RBM19: variants seen among roughly 807,000 people sequenced by gnomAD.
RBM19 encodes the protein probable RNA-binding protein 19.
Under a neutral mutation model 116.8 loss-of-function variants are expected in RBM19, and 94 were observed. That is an observed-to-expected ratio of 0.80 (90% CI 0.68 to 0.95). The LOEUF is 0.95. Ranked by LOEUF, RBM19 falls within the 40% of genes least tolerant of loss-of-function variation. The probability of loss-of-function intolerance (pLI) is 0.00; values close to 1 mark genes in which losing one functional copy is unlikely to be tolerated. For synonymous variants in RBM19, 475 were observed against 494.1 expected, an observed-to-expected ratio of 0.96 and a Z score of 0.51; for missense variants, 1,161 against 1,220.7, an observed-to-expected ratio of 0.95 and a Z score of 0.73.
At chr12:113,933,901 G>A (rs919152345) in intron 16 of RBM19, among the ~76,000 whole-genome samples, 6 of 152,262 alleles carry the variant, frequency 3.9e-5, no homozygotes, top group African/African-American at 9.6e-5. Context: ...TGCTGGCTTG[G>A]GGCTGGTGCC....
rs3065431 is a variant in RBM19, at chr12:113,863,211, C to CTGTG, written c.2559-4319_2559-4316dup. On this transcript the variant is annotated intron_variant, in intron 21 of 23. Coordinates refer to ENST00000261741, the MANE Select transcript of RBM19 (RefSeq NM_016196.4). The stretch of plus-strand genomic sequence containing the variant: ...CTGAAGGCAGACACAATACGTGTGT[C>CTGTG]TGTGTGTGTGTGTGTGTGTGTGTGT... 4.1e-3 allele frequency among the ~76,000 whole-genome samples: 616 copies of CTGTG among 148,510 alleles called. 7 individuals carry two copies. The highest frequency in any genetic ancestry group is 0.029 in the East Asian group (143 of 4,928).
chr12:113,936,736 C>T, intron 16 of RBM19: 1 of 316,658 alleles, frequency 3.2e-6, no homozygotes, highest in Middle Eastern at 9.7e-4. Flanking sequence ...GTTGTTTATA[C>T]TTGCTCTGCT....
intron 6 of RBM19, among the ~76,000 whole-genome samples, chr12:113,957,318 A>G (rs1156782672): frequency 6.6e-6 from 1 of 152,194 alleles, no homozygotes; most frequent in Non-Finnish European, 1.5e-5. Context: ...GCTCATGCCT[A>G]TAATCCCAGC....
At chr12:113,834,279 T>C (rs1346005614) in intron 23 of RBM19, among the ~76,000 whole-genome samples, 2 of 152,098 alleles carry the variant, frequency 1.3e-5, no homozygotes, top group Non-Finnish European at 2.9e-5. Context: ...AATGAATGAA[T>C]GAATGGGGCC....
In RBM19 at chr12:113,952,575, A is replaced by G; in HGVS notation, c.937T>C (p.Phe313Leu). Reference protein sequence around the residue: ...FNVTEKNVMEFLAPLKPVAIR... With the variant: ...FNVTEKNVMELLAPLKPVAIR... The stretch of plus-strand genomic sequence containing the variant: ...GCCACTGGTTTCAGGGGTGCCAGGA[A>G]TTCCATAACATTTTTCTGTGAGAAG... Residue 313 changes from phenylalanine to leucine, a missense_variant, in exon 8 of 24, where the codon TTC (phenylalanine) becomes CTC (leucine). By Grantham distance (22) the Phe-to-Leu change is conservative (BLOSUM62 0). Transcript: ENST00000261741. 1 of 1,613,962 alleles carries G rather than the reference A, an allele frequency of 6.2e-7. No homozygotes were observed. The highest frequency in any genetic ancestry group is 8.5e-7 in the Non-Finnish European group (1 of 1,179,860).
chr12:113,857,483 C>T (rs989870497), intron 22 of RBM19, among the ~76,000 whole-genome samples: 4 of 152,220 alleles, frequency 2.6e-5, no homozygotes, highest in South Asian at 2.1e-4. Context: ...GGCAGCCCTC[C>T]GCTGCTGCCC....
intron 23 of RBM19, among the ~76,000 whole-genome samples, chr12:113,840,127 T>C (rs1273419612): frequency 6.6e-6 from 1 of 152,222 alleles, no homozygotes; most frequent in Non-Finnish European, 1.5e-5. Flanking sequence ...CATGGATTCT[T>C]AGTTAAAAAA....
At chr12:113,938,004 C>T (rs1024681263) in intron 15 of RBM19, among the ~76,000 whole-genome samples, 2 of 152,174 alleles carry the variant, frequency 1.3e-5, no homozygotes, top group African/African-American at 4.8e-5. Context: ...CAGCAGGCTG[C>T]ATCACTACTT....
At chr12:113,844,175 G>C (rs1876744042) in intron 23 of RBM19, among the ~76,000 whole-genome samples, 1 of 152,248 alleles carries the variant, frequency 6.6e-6, no homozygotes, top group Non-Finnish European at 1.5e-5. Flanking sequence ...GAGACCTGTG[G>C]GCATCAGCCC....
At chr12:113,824,287 T>C (rs750081230) in intron 23 of RBM19, among the ~76,000 whole-genome samples, 1 of 152,184 alleles carries the variant, frequency 6.6e-6, no homozygotes, top group Non-Finnish European at 1.5e-5. Context: ...CAGTCACACC[T>C]AAGCCCACAG....
chr12:113,937,702 A>C (rs147406869), intron 15 of RBM19, among the ~76,000 whole-genome samples: 1,744 of 145,578 alleles, frequency 0.012, 40 homozygotes, highest in African/African-American at 0.041. Context: ...CAGGAGTTTG[A>C]GGCTGCAGTG....
chr12:113,844,279 C>A (rs755789354), intron 23 of RBM19, among the ~76,000 whole-genome samples: 21 of 152,182 alleles, frequency 1.4e-4, no homozygotes, highest in Middle Eastern at 3.2e-3. Flanking sequence ...GCATCCCTGC[C>A]CTGCGGACAC....
At chr12:113,876,876 T>C (rs1388588163) in intron 21 of RBM19, among the ~76,000 whole-genome samples, 1 of 152,314 alleles carries the variant, frequency 6.6e-6, no homozygotes, top group South Asian at 2.1e-4. Context: ...AGGATGAACT[T>C]TGGGATTACA....
intron 9 of RBM19, 78 bp from the exon 10 acceptor site, chr12:113,949,114 T>C (rs1871281276): frequency 7.7e-7 from 1 of 1,297,542 alleles, no homozygotes; most frequent in Non-Finnish European, 1.1e-6. Flanking sequence ...CTCCAAACTC[T>C]TCTCTGCTGC....
At chr12:113,878,878 A>C (rs1879873975) in intron 21 of RBM19, among the ~76,000 whole-genome samples, 1 of 147,994 alleles carries the variant, frequency 6.8e-6, no homozygotes, top group South Asian at 2.1e-4. Context: ...TTGGGGGAGG[A>C]GATGTACGTA....
At chr12:113,919,691 T>G (rs770663942) in intron 19 of RBM19, among the ~76,000 whole-genome samples, 23 of 152,246 alleles carry the variant, frequency 1.5e-4, no homozygotes, top group Admixed American at 1.5e-3. Context: ...AATCTGTCCT[T>G]GTACTTAGGA....
At chr12:113,846,282 T>C (rs914120277) in intron 22 of RBM19, among the ~76,000 whole-genome samples, 3 of 152,132 alleles carry the variant, frequency 2.0e-5, no homozygotes, top group Non-Finnish European at 4.4e-5. Context: ...CTGTGAAGAA[T>C]CATATAACTG....
At chr12:113,922,292 A>G (rs536344345) in intron 18 of RBM19, among the ~76,000 whole-genome samples, 1 of 152,240 alleles carries the variant, frequency 6.6e-6, no homozygotes, top group East Asian at 1.9e-4. Context: ...ACCCCAGCTG[A>G]GAGTGCTTTC....
intron 8 of RBM19, 45 bp from the exon 9 acceptor site, chr12:113,950,199 ACAC>A: frequency 3.4e-6 from 5 of 1,491,760 alleles, no homozygotes; most frequent in Non-Finnish European, 4.7e-6. Context: ...GGCCTTGCAG[ACAC>A]TTGTGGTGGT....
Sources: gnomAD v4.1 joint callset for allele counts (sites outside exome capture counted in the v4.1 genomes callset) on GRCh38, gnomAD v4.1.1 for gene constraint, MANE v1.5 for transcripts, NCBI Gene and HGNC (gene_info 2026-07-23, HGNC 2026-07-21) for gene names.